Variants in EHBP1 observed in about 807,000 individuals in gnomAD.
EHBP1 encodes the protein EH domain-binding protein 1.
In EHBP1, 55 loss-of-function variants were observed where a neutral mutation model predicts 144.0. The observed-to-expected ratio is 0.38, with a 90% CI of 0.31 to 0.48. The LOEUF (loss-of-function observed/expected upper bound fraction) is 0.48, where lower values mean the gene tolerates loss of function less well. EHBP1 is among the 20% of genes least tolerant of loss of function. The probability of loss-of-function intolerance (pLI) is 0.98; values close to 1 mark genes in which losing one functional copy is unlikely to be tolerated. For missense variants in EHBP1, 1,200 were observed against 1,364.2 expected (o/e 0.88, Z 1.90); for synonymous variants, 469 against 472.7 (o/e 0.99, Z 0.10).
chr2:62,677,793 C>A lies in EHBP1; in HGVS notation c.-296+3710C>A, dbSNP rs142012424. Among the ~76,000 whole-genome samples, 588 of 152,248 alleles carry A rather than the reference C, an allele frequency of 3.9e-3. 2 individuals are homozygous for A. Among genetic ancestry groups the A allele is most frequent in the African/African-American group, 0.013 (559 of 41,536 alleles). ...TAACATAATGACCTCCAGTTCCAAC[C>A]ATGTTGTTGCAAATAACAGGATCTC... On this transcript the variant is annotated intron_variant, in intron 1 of 22. Transcript: ENST00000405015.
chr2:62,856,349 T>G (rs2049054457), intron 7 of EHBP1, among the ~76,000 whole-genome samples: 1 of 152,208 alleles, frequency 6.6e-6, no homozygotes, highest in Admixed American at 6.5e-5. Flanking sequence ...ATCTCCAAGC[T>G]TCCAGGTGCC....
At chr2:62,984,447 T>C (rs1050312780) in intron 15 of EHBP1, among the ~76,000 whole-genome samples, 1 of 152,212 alleles carries the variant, frequency 6.6e-6, no homozygotes, top group African/African-American at 2.4e-5. Flanking sequence ...GCTTCTGTTG[T>C]ATAATGGATC....
chr2:62,875,557 AG>A (rs2152849649), intron 10 of EHBP1, among the ~76,000 whole-genome samples: 1 of 152,372 alleles, frequency 6.6e-6, no homozygotes, highest in Non-Finnish European at 1.5e-5. Context: ...AGCCAGTGCA[AG>A]AACAATGGCA....
chr2:62,955,510 T>C lies in EHBP1; in HGVS notation c.2317-7T>C, dbSNP rs777581018. 6.2e-7 allele frequency: 1 copy of C among 1,604,858 alleles called. No homozygotes were observed. ...TTGGCTTCTAATTCTGTATCTTTGC[T>C]TTTAAGCATCGATTGTTATCTAGAC... is the stretch of plus-strand genomic sequence containing the variant. On this transcript the variant is annotated splice_region_variant and splice_polypyrimidine_tract_variant and intron_variant, in intron 13 of 22. Transcript: ENST00000431489.
intron 15 of EHBP1, among the ~76,000 whole-genome samples, chr2:62,987,027 T>C (rs1384312881): frequency 9.9e-5 from 15 of 152,136 alleles, no homozygotes. Flanking sequence ...ATTCTTCAAA[T>C]CCCAGGGCTA....
chr2:62,860,783 A>G (rs904428200), intron 8 of EHBP1, among the ~76,000 whole-genome samples: 5 of 152,176 alleles, frequency 3.3e-5, no homozygotes, highest in Non-Finnish European at 7.4e-5. Flanking sequence ...TAAGTCTGTT[A>G]TCAGAGGTAT....
intron 5 of EHBP1, among the ~76,000 whole-genome samples, chr2:62,809,840 C>T (rs995894954): frequency 6.6e-6 from 1 of 152,106 alleles, no homozygotes; most frequent in Non-Finnish European, 1.5e-5. Context: ...CTACAAAATA[C>T]CTCCAAAAAA....
upstream of EHBP1, among the ~76,000 whole-genome samples, chr2:62,702,452 G>A (rs939398632): frequency 6.6e-6 from 1 of 152,186 alleles, no homozygotes; most frequent in Non-Finnish European, 1.5e-5. Context: ...GGGAGGGTGA[G>A]TAGGAGGTAC....
intron 10 of EHBP1, among the ~76,000 whole-genome samples, chr2:62,888,039 G>A (rs1355527920): frequency 1.3e-5 from 2 of 152,122 alleles, no homozygotes; most frequent in Non-Finnish European, 2.9e-5. Context: ...TTGGATGTGT[G>A]CACTTCATGG....
At chr2:62,699,459 C>T (rs1274856452) in intron 1 of EHBP1, among the ~76,000 whole-genome samples, 1 of 152,210 alleles carries the variant, frequency 6.6e-6, no homozygotes, top group Non-Finnish European at 1.5e-5. Context: ...TAATGGCCCA[C>T]TTATTTGCAA....
At chr2:62,856,132 G>C (rs1222457321) in intron 7 of EHBP1, among the ~76,000 whole-genome samples, 2 of 152,182 alleles carry the variant, frequency 1.3e-5, no homozygotes, top group African/African-American at 4.8e-5. Flanking sequence ...CATTCTTCCT[G>C]GTTGTAGGAC....
intron 1 of EHBP1, among the ~76,000 whole-genome samples, chr2:62,682,291 G>A (rs190220232): frequency 2.0e-5 from 3 of 152,282 alleles, no homozygotes; most frequent in South Asian, 2.1e-4. Flanking sequence ...CTTATAAATC[G>A]GGGGTCTGTC....
At chr2:62,895,495 A>G (rs1180342572) in intron 10 of EHBP1, among the ~76,000 whole-genome samples, 1 of 152,130 alleles carries the variant, frequency 6.6e-6, no homozygotes, top group Non-Finnish European at 1.5e-5. Flanking sequence ...GGCCCCAGTG[A>G]CTTCCTTTGA....
At chr2:62,719,260 C>T (rs966304436) in intron 2 of EHBP1, among the ~76,000 whole-genome samples, 10 of 152,064 alleles carry the variant, frequency 6.6e-5, no homozygotes, top group African/African-American at 2.2e-4. Flanking sequence ...GCCACTGTGC[C>T]GACCAGAATA....
chr2:62,755,637 A>G (rs2040207308), intron 3 of EHBP1, among the ~76,000 whole-genome samples: 1 of 152,204 alleles, frequency 6.6e-6, no homozygotes, highest in African/African-American at 2.4e-5. Flanking sequence ...CAGCATCTTT[A>G]AAGCATATGT....
At chr2:62,696,508 C>CTTTT (rs869081763) in intron 1 of EHBP1, among the ~76,000 whole-genome samples, 56 of 76,770 alleles carry the variant, frequency 7.3e-4, no homozygotes, top group East Asian at 2.4e-3. Flanking sequence ...TTTTTTTCTT[C>CTTTT]TTTTTTTTTT....
chr2:62,933,982 G>A lies in EHBP1; in HGVS notation c.1186-8736G>A, dbSNP rs1245976577. Reference sequence around the variant, plus strand: ...TTTTTAAATCCATTTTATTGTTGCCGAACATTTACATTATTTTCAGATTTG... The same window carrying A: ...TTTTTAAATCCATTTTATTGTTGCCAAACATTTACATTATTTTCAGATTTG... On this transcript the variant is annotated intron_variant, in intron 10 of 22. Transcript: ENST00000431489. Among the ~76,000 whole-genome samples, 11 of 151,940 alleles carry A rather than the reference G, an allele frequency of 7.2e-5. No homozygotes were observed. The East Asian group carries it at 7.7e-4, about 11-fold the overall frequency.
intron 19 of EHBP1, among the ~76,000 whole-genome samples, chr2:63,030,743 G>A (rs1267897748): frequency 6.7e-6 from 1 of 149,076 alleles, no homozygotes; most frequent in Admixed American, 6.7e-5. Flanking sequence ...TGCCTGCCTC[G>A]GCATCCCAAA....
chr2:62,774,516 T>A (rs2041919242), intron 5 of EHBP1, among the ~76,000 whole-genome samples: 1 of 152,120 alleles, frequency 6.6e-6, no homozygotes. Flanking sequence ...TAATGAGAGA[T>A]TTTTAACCTT....
Sources: gnomAD v4.1 joint callset for allele counts (sites outside exome capture counted in the v4.1 genomes callset) on GRCh38, gnomAD v4.1.1 for gene constraint, MANE v1.5 for transcripts, NCBI Gene and HGNC (gene_info 2026-07-23, HGNC 2026-07-21) for gene names.